Variants in CD1A observed in about 807,000 individuals in gnomAD.
CD1A encodes the protein T-cell surface glycoprotein CD1a.
In CD1A, 50 loss-of-function variants were observed where a neutral mutation model predicts 38.3. That is an observed-to-expected ratio of 1.30 (90% CI 1.04 to 1.65). The LOEUF (loss-of-function observed/expected upper bound fraction) is 1.65, where lower values mean the gene tolerates loss of function less well. Among genes scored for constraint, CD1A ranks in the 40% most tolerant of loss-of-function variants. CD1A has a pLI of 0.00. For synonymous variants in CD1A, 160 were observed against 150.8 expected, an observed-to-expected ratio of 1.06 and a Z score of -0.45; for missense variants, 459 against 406.1, an observed-to-expected ratio of 1.13 and a Z score of -1.12.
chr1:158,256,072 C>T lies in CD1A; in HGVS notation c.394C>T (p.Gln132Ter). The T allele has an allele frequency of 6.8e-6, 11 of 1,614,110 alleles. No individual in the cohort carries two copies. Among genetic ancestry groups the T allele is most frequent in the Non-Finnish European group, 9.3e-6 (11 of 1,179,992 alleles). ...HSGKVSGSFLQLAYQGSDFVS... is the reference protein window; with the variant it reads ...HSGKVSGSFL Reference sequence around the variant, plus strand: ...TGGAAAGGTCTCAGGAAGCTTCTTGCAGTTAGCTTATCAAGGATCAGACTT... The same window carrying T: ...TGGAAAGGTCTCAGGAAGCTTCTTGTAGTTAGCTTATCAAGGATCAGACTT... Residue 132 changes from glutamine to a stop codon, truncating the protein, a stop_gained, in exon 3 of 6, where the codon CAG (glutamine) becomes TAG (stop). Coordinates refer to ENST00000289429, the MANE Select transcript of CD1A (RefSeq NM_001763.3). LOFTEE classifies it high-confidence loss of function.
At chr1:158,254,783 CTCTGTGTGTG>C (rs752462361) in intron 1 of CD1A, 56 bp downstream of exon 1, 1,282 of 905,406 alleles carry the variant, frequency 1.4e-3, no homozygotes, top group African/African-American at 3.5e-3. Flanking sequence ...CTCTCTCTCT[CTCTGTGTGTG>C]TGTGTGTGTG....
In CD1A at chr1:158,255,997, A is replaced by T; in HGVS notation, c.326-7A>T. The stretch of plus-strand genomic sequence containing the variant: ...TTCTCCCTCTTTCCTCTATTTCATA[A>T]CCCCAGATCCTTTTGAGATACAGGT... On this transcript the variant is annotated splice_region_variant and splice_polypyrimidine_tract_variant and intron_variant, in intron 2 of 5. Coordinates refer to ENST00000289429, the MANE Select transcript of CD1A (RefSeq NM_001763.3). 1 of 1,598,882 alleles carries T rather than the reference A, an allele frequency of 6.3e-7. No individual in the cohort carries two copies. The highest frequency in any genetic ancestry group is 8.5e-7 in the Non-Finnish European group (1 of 1,171,694).
At chr1:158,255,394 G>C in intron 2 of CD1A, 44 bp downstream of exon 2, 1 of 1,589,920 alleles carries the variant, frequency 6.3e-7, no homozygotes, top group Non-Finnish European at 8.6e-7. Flanking sequence ...GTGGGAGAGA[G>C]GGGTTGTCTC....
At chr1:158,255,466 C>A in intron 2 of CD1A, 116 bp downstream of exon 2, 1 of 1,120,232 alleles carries the variant, frequency 8.9e-7, no homozygotes, top group Non-Finnish European at 1.3e-6. Context: ...CTATTCTTTC[C>A]ACCATAAAAC....
upstream of CD1A, among the ~76,000 whole-genome samples, chr1:158,249,664 C>T (rs1650032364): frequency 6.6e-6 from 1 of 152,222 alleles, no homozygotes; most frequent in Non-Finnish European, 1.5e-5. Flanking sequence ...TTCATTCCTT[C>T]TGAAGTTTCT....
chr1:158,248,914 C>T, the CD1A span, among the ~76,000 whole-genome samples: 1 of 152,164 alleles, frequency 6.6e-6, no homozygotes, highest in African/African-American at 2.4e-5. Context: ...CTCTCACCAG[C>T]TGCTGCCTGC....
At chr1:158,254,812 TGTGTGTGTGTGTGTGTG>T (rs1650190364) in intron 1 of CD1A, 85 bp downstream of exon 1, 1 of 937,934 alleles carries the variant, frequency 1.1e-6, no homozygotes, top group Non-Finnish European at 1.7e-6. Flanking sequence ...TGTGTGTGTG[TGTGTGTGTGTGTGTGTG>T]TGTGGTTTCC....
chr1:158,256,841 G>T lies in CD1A; in HGVS notation c.660G>T (p.Gln220His), dbSNP rs767387134. Residue 220 changes from glutamine (Q) to histidine (H), a missense_variant, in exon 4 of 6, where the codon CAG becomes CAT. By Grantham distance (24) the Gln-to-His change is conservative (BLOSUM62 0). Transcript: ENST00000289429. ...HGPSPGPGHL[Q>H]LVCHVSGFYP... ...CCAGTCCTGGCCCTGGCCATCTGCA[G>T]CTTGTGTGCCATGTCTCAGGATTCT... 1 of 1,614,244 alleles carries T rather than the reference G, an allele frequency of 6.2e-7. No homozygotes were observed. Among genetic ancestry groups the T allele is most frequent in the Non-Finnish European group, 8.5e-7 (1 of 1,180,046 alleles).
upstream of CD1A, among the ~76,000 whole-genome samples, chr1:158,250,446 C>A (rs568879050): frequency 1.3e-5 from 2 of 152,242 alleles, no homozygotes; most frequent in South Asian, 4.1e-4. Context: ...GGTTGCGTGC[C>A]CCATGAAGCA....
At position 158,257,461 on chromosome 1, in the gene CD1A, A is replaced by G; in HGVS notation, c.924A>G (p.Ile308Met). The stretch of plus-strand genomic sequence containing the variant: ...TGGGCTTCATCATCTTGGCGGTGAT[A>G]GTGCCTTTACTTCTTCTGATAGGTC... ...SSVGFIILAV[I>M]VPLLLLIGLA... is the part of the protein sequence containing the mutation. Residue 308 changes from isoleucine to methionine, a missense_variant, in exon 5 of 6, where the codon ATA becomes ATG. Ile to Met is a conservative substitution (Grantham distance 10). Transcript: ENST00000289429. 2.5e-6 allele frequency: 4 copies of G among 1,614,128 alleles called. No homozygotes were observed. The highest frequency in any genetic ancestry group is 3.4e-6 in the Non-Finnish European group (4 of 1,179,974).
At chr1:158,254,030 GGTTTTT>G (rs1650153315), upstream of CD1A, 8 of 45,830 alleles carry the variant, frequency 1.7e-4, 1 homozygote, top group African/African-American at 6.8e-4. Context: ...GTGTTCCTGT[GGTTTTT>G]TTTTTTTTTT....
the CD1A span, among the ~76,000 whole-genome samples, chr1:158,249,208 C>T: frequency 2.0e-5 from 3 of 152,134 alleles, no homozygotes; most frequent in Non-Finnish European, 4.4e-5. Context: ...TAATTTGTGG[C>T]GTTGTGCAGA....
upstream of CD1A, among the ~76,000 whole-genome samples, chr1:158,252,752 G>T (rs866483522): frequency 6.6e-6 from 1 of 151,870 alleles, no homozygotes; most frequent in Admixed American, 6.6e-5. Context: ...ATCAAAGTTA[G>T]CCAGGCATGG....
intron 3 of CD1A, 124 bp downstream of exon 3, chr1:158,256,406 C>T: frequency 1.1e-6 from 1 of 924,560 alleles, no homozygotes; most frequent in Admixed American, 2.5e-5. Context: ...CAGTGCCTCA[C>T]ATCTGTAATC....
In CD1A at chr1:158,257,158, T is replaced by G. The variant is rs1650287726; in HGVS notation, c.883+94T>G. Reference sequence around the variant, plus strand: ...CTGAAAATTTTAGGATTTTAGGGATTATAGCCCAAACATGAATAAAAATAG... The same window carrying G: ...CTGAAAATTTTAGGATTTTAGGGATGATAGCCCAAACATGAATAAAAATAG... On this transcript the variant is annotated intron_variant, in intron 4 of 5. Transcript: ENST00000289429. The G allele has an allele frequency of 9.7e-6, 14 of 1,436,566 alleles. No homozygotes were observed. The South Asian group carries it at 1.8e-4, about 19-fold the overall frequency. 89.0% of individuals were successfully genotyped at this position (1,436,566 alleles called of 1,614,324 possible).
chr1:158,254,288 T>C (rs1279338019), upstream of CD1A: 16 of 1,101,220 alleles, frequency 1.5e-5, no homozygotes, highest in Middle Eastern at 4.1e-4. Context: ...CATGGGAGCA[T>C]TGGGCAGCAC....
At chr1:158,254,963 T>C (rs190840044) in intron 1 of CD1A, 121 bp from the exon 2 acceptor site, 2 of 1,062,758 alleles carry the variant, frequency 1.9e-6, no homozygotes, top group Non-Finnish European at 2.8e-6. Context: ...AGTGAATGTC[T>C]GCTAAGATCA....
Position 158,257,055 on chromosome 1 carries a change from C to T in CD1A, c.874C>T (p.Leu292Phe). ...HSSLEGQDIV[L>F]YWEHHSSVGF... ...CAGTCTAGAGGGCCAGGACATCGTC[C>T]TCTACTGGGGTGAGAAAAAGCTAAG... Residue 292 changes from leucine (L) to phenylalanine (F), a missense_variant, in exon 4 of 6, where the codon CTC (leucine) becomes TTC (phenylalanine). By Grantham distance (22) the Leu-to-Phe change is conservative. Transcript: ENST00000289429. 2.5e-6 allele frequency: 4 copies of T among 1,610,090 alleles called. No individual in the cohort carries two copies. The highest frequency in any genetic ancestry group is 3.4e-6 in the Non-Finnish European group (4 of 1,177,032).
At chr1:158,253,679 A>G (rs1030639426), upstream of CD1A, among the ~76,000 whole-genome samples, 7 of 152,306 alleles carry the variant, frequency 4.6e-5, no homozygotes, top group South Asian at 1.2e-3. Flanking sequence ...ACTGTATGGA[A>G]CTAACACTCC....
Sources: allele counts gnomAD v4.1 joint callset (sites outside exome capture counted in the v4.1 genomes callset), GRCh38; gene constraint gnomAD v4.1.1; transcripts MANE v1.5; gene names NCBI Gene and HGNC (gene_info 2026-07-23, HGNC 2026-07-21).